The following TSPAN5 variants were observed in gnomAD, a reference collection of about 807,000 sequenced individuals.
TSPAN5 encodes the protein tetraspanin 5.
Under a neutral mutation model 37.1 loss-of-function variants are expected in TSPAN5, and 10 were observed. That is an observed-to-expected ratio of 0.27 (90% CI 0.17 to 0.46). The LOEUF is 0.46. TSPAN5 is among the 20% of genes least tolerant of loss of function. The probability of loss-of-function intolerance (pLI) is 1.00; values close to 1 mark genes in which losing one functional copy is unlikely to be tolerated. For missense variants in TSPAN5, 195 were observed against 326.6 expected, an observed-to-expected ratio of 0.60 and a Z score of 3.11; for synonymous variants, 110 against 118.9, an observed-to-expected ratio of 0.93 and a Z score of 0.48.
intron 1 of TSPAN5, among the ~76,000 whole-genome samples, chr4:98,519,543 A>G (rs1196070410): frequency 6.6e-6 from 1 of 152,136 alleles, no homozygotes; most frequent in Non-Finnish European, 1.5e-5. Context: ...AAAAAAATGA[A>G]TGGATGAAGG....
chr4:98,515,680 G>C (rs1753712575), intron 1 of TSPAN5, among the ~76,000 whole-genome samples: 1 of 152,126 alleles, frequency 6.6e-6, no homozygotes, highest in African/African-American at 2.4e-5. Flanking sequence ...GTCCTAACCA[G>C]AGAGCATGTG....
chr4:98,583,551 G>C (rs1006970083), intron 1 of TSPAN5, among the ~76,000 whole-genome samples: 5 of 152,194 alleles, frequency 3.3e-5, no homozygotes, highest in African/African-American at 1.2e-4. Context: ...ATGATTAAAA[G>C]GAGGAAGAAA....
At chr4:98,589,055 G>A (rs1204988758) in intron 1 of TSPAN5, among the ~76,000 whole-genome samples, 1 of 152,132 alleles carries the variant, frequency 6.6e-6, no homozygotes, top group Non-Finnish European at 1.5e-5. Context: ...GACAGTGTTG[G>A]AACCAGACTC....
rs182599144 is a variant in TSPAN5, at chr4:98,479,907, T to C, written c.451-1097A>G. ...TGCATACAGATGTTATGTTAAAGAA[T>C]TACTTCATCCCCATGTGACCATCTC... On this transcript the variant is annotated intron_variant, in intron 4 of 7. Coordinates refer to ENST00000305798, the MANE Select transcript of TSPAN5 (RefSeq NM_005723.4). Among the ~76,000 whole-genome samples the C allele has an allele frequency of 2.4e-3, 368 of 152,328 alleles. 1 individual carries two copies. The highest frequency in any genetic ancestry group is 6.9e-3 in the African/African-American group (287 of 41,566).
intron 1 of TSPAN5, among the ~76,000 whole-genome samples, chr4:98,542,719 TAAAAAAAAAA>T (rs11326064): frequency 2.0e-5 from 2 of 101,812 alleles, no homozygotes; most frequent in South Asian, 7.8e-4. Flanking sequence ...CTCATCTCTT[TAAAAAAAAAA>T]AAAAAAAAAA....
chr4:98,508,717 G>C (rs912013028), intron 1 of TSPAN5, among the ~76,000 whole-genome samples: 2 of 151,760 alleles, frequency 1.3e-5, no homozygotes, highest in Non-Finnish European at 1.5e-5. Flanking sequence ...TAGAGACAAG[G>C]CCTCACTATA....
chr4:98,565,474 C>T (rs998645037), intron 1 of TSPAN5, among the ~76,000 whole-genome samples: 20 of 152,200 alleles, frequency 1.3e-4, no homozygotes, highest in East Asian at 7.7e-4. Context: ...CAGTAGACCA[C>T]GCATTTACTG....
chr4:98,591,289 T>C (rs1195618206), intron 1 of TSPAN5, among the ~76,000 whole-genome samples: 2 of 144,034 alleles, frequency 1.4e-5, no homozygotes, highest in Non-Finnish European at 3.0e-5. Flanking sequence ...ATACCATTAA[T>C]AACAGCACGC....
chr4:98,477,073 A>G (rs537601634), intron 5 of TSPAN5, among the ~76,000 whole-genome samples: 3 of 152,338 alleles, frequency 2.0e-5, no homozygotes, highest in African/African-American at 7.2e-5. Context: ...GGAATGAGCT[A>G]GCTCTGCCCA....
chr4:98,579,005 T>C (rs1442347321), intron 1 of TSPAN5, among the ~76,000 whole-genome samples: 1 of 152,176 alleles, frequency 6.6e-6, no homozygotes, highest in Non-Finnish European at 1.5e-5. Context: ...CATTAAAACA[T>C]AGATAAATAT....
intron 1 of TSPAN5, among the ~76,000 whole-genome samples, chr4:98,533,017 C>T (rs1445987525): frequency 6.6e-6 from 1 of 152,164 alleles, no homozygotes; most frequent in South Asian, 2.1e-4. Context: ...GTTGAACCAG[C>T]CTTGCATCCC....
intron 2 of TSPAN5, among the ~76,000 whole-genome samples, chr4:98,489,601 G>C (rs555827868): frequency 6.6e-6 from 1 of 152,138 alleles, no homozygotes; most frequent in Non-Finnish European, 1.5e-5. Flanking sequence ...GATTGCCGTC[G>C]TTGTAGAAGC....
intron 1 of TSPAN5, 57 bp downstream of exon 1, chr4:98,658,089 A>G: frequency 6.8e-7 from 1 of 1,468,356 alleles, no homozygotes; most frequent in Non-Finnish European, 9.6e-7. Flanking sequence ...ACGTGGGGGA[A>G]ATCGTCGCGA....
rs1279789233 is a variant in TSPAN5, at chr4:98,472,604, A to G, written c.742-17T>C. On this transcript the variant is annotated splice_polypyrimidine_tract_variant and intron_variant, in intron 7 of 7. Coordinates refer to ENST00000305798, the MANE Select transcript of TSPAN5 (RefSeq NM_005723.4). ...CCCAAATATCTGAGAAAGGAAGAAA[A>G]TGTGAGTGAAACAGTGACACTTGTA... is the stretch of plus-strand genomic sequence containing the variant. The G allele has an allele frequency of 4.4e-6, 7 of 1,608,954 alleles. No individual in the cohort carries two copies. The highest frequency in any genetic ancestry group is 5.9e-6 in the Non-Finnish European group (7 of 1,176,584).
chr4:98,541,575 T>C (rs1014733947), intron 1 of TSPAN5, among the ~76,000 whole-genome samples: 1 of 149,436 alleles, frequency 6.7e-6, no homozygotes, highest in Admixed American at 6.8e-5. Flanking sequence ...CTCAGGAGGC[T>C]GAGGCATGAG....
chr4:98,499,034 G>A (rs1477405950), intron 2 of TSPAN5, among the ~76,000 whole-genome samples: 1 of 152,232 alleles, frequency 6.6e-6, no homozygotes. Flanking sequence ...GCAGAGCTCA[G>A]AGGTGCACTG....
chr4:98,560,978 G>A (rs1754870489), intron 1 of TSPAN5, among the ~76,000 whole-genome samples: 1 of 152,224 alleles, frequency 6.6e-6, no homozygotes, highest in African/African-American at 2.4e-5. Context: ...CTAGTATAAT[G>A]AGGTATGTGG....
intron 1 of TSPAN5, among the ~76,000 whole-genome samples, chr4:98,623,353 TCAA>T (rs1406166220): frequency 6.6e-6 from 1 of 152,146 alleles, no homozygotes. Flanking sequence ...CACTAAGAAA[TCAA>T]CAACGATTAA....
chr4:98,578,772 T>A (rs1579005491), intron 1 of TSPAN5, among the ~76,000 whole-genome samples: 3 of 152,246 alleles, frequency 2.0e-5, no homozygotes, highest in Admixed American at 2.0e-4. Context: ...TTGGCACTAT[T>A]CTCTTAGGTA....
Sources: gnomAD v4.1 joint callset for allele counts (sites outside exome capture counted in the v4.1 genomes callset) on GRCh38, gnomAD v4.1.1 for gene constraint, MANE v1.5 for transcripts, NCBI Gene and HGNC (gene_info 2026-07-23, HGNC 2026-07-21) for gene names.